C11orf65: variants seen among roughly 807,000 people sequenced by gnomAD.
C11orf65 encodes chromosome 11 open reading frame 65.
Under a neutral mutation model 35.3 loss-of-function variants are expected in C11orf65, and 38 were observed. The observed-to-expected ratio is 1.08, with a 90% confidence interval of 0.83 to 1.41. C11orf65 has a LOEUF of 1.41. C11orf65 is among the 40% of genes most tolerant of loss of function. C11orf65 has a pLI of 0.00. For missense variants in C11orf65, 370 were observed against 367.1 expected (o/e 1.01, Z -0.06); for synonymous variants, 105 against 114.4 (o/e 0.92, Z 0.53).
chr11:108,403,224 A>G (rs566347965), intron 6 of C11orf65, among the ~76,000 whole-genome samples: 1 of 152,322 alleles, frequency 6.6e-6, no homozygotes, highest in East Asian at 1.9e-4. Flanking sequence ...AACAATTGGC[A>G]TGACAGACTA....
chr11:108,325,568 C>T (rs747275106), intron 6 of C11orf65: 1 of 1,540,142 alleles, frequency 6.5e-7, no homozygotes, highest in South Asian at 1.1e-5. Flanking sequence ...AAAACTATGT[C>T]ATCTTACCTC....
At chr11:108,453,880 C>T (rs1316156122) in intron 2 of C11orf65, among the ~76,000 whole-genome samples, 2 of 152,240 alleles carry the variant, frequency 1.3e-5, no homozygotes, top group East Asian at 3.8e-4. Context: ...GCATCCTCAT[C>T]TGGCTTTGGT....
downstream of C11orf65, chr11:108,331,321 G>A (rs2086209164): frequency 2.0e-6 from 3 of 1,465,216 alleles, no homozygotes; most frequent in Non-Finnish European, 2.7e-6. Flanking sequence ...AATATAGTTA[G>A]TGAAGTTTTG....
At chr11:108,406,465 A>G (rs1033853627) in intron 5 of C11orf65, among the ~76,000 whole-genome samples, 1 of 152,192 alleles carries the variant, frequency 6.6e-6, no homozygotes, top group Non-Finnish European at 1.5e-5. Context: ...TATATTCAAC[A>G]TACCAAATTC....
At chr11:108,427,326 T>A (rs1415397680) in intron 3 of C11orf65, among the ~76,000 whole-genome samples, 1 of 150,034 alleles carries the variant, frequency 6.7e-6, no homozygotes, top group Non-Finnish European at 1.5e-5. Flanking sequence ...TATAAGGAAC[T>A]TAAACAAATT....
chr11:108,385,125 G>A (rs2091960131), intron 8 of C11orf65, among the ~76,000 whole-genome samples: 1 of 152,128 alleles, frequency 6.6e-6, no homozygotes, highest in South Asian at 2.1e-4. Context: ...CCAGGCTGGA[G>A]TTTAGTGGTG....
intron 2 of C11orf65, among the ~76,000 whole-genome samples, chr11:108,371,540 CTA>C (rs1224642162): frequency 3.9e-5 from 6 of 152,080 alleles, no homozygotes; most frequent in African/African-American, 1.4e-4. Context: ...CAAGGTTCGT[CTA>C]TGTTGTAATA....
intron 2 of C11orf65, among the ~76,000 whole-genome samples, chr11:108,376,653 G>C (rs1444691082): frequency 6.6e-6 from 1 of 151,900 alleles, no homozygotes; most frequent in Non-Finnish European, 1.5e-5. Context: ...AGGAAATAGA[G>C]ACACAAAAAA....
intron 2 of C11orf65, among the ~76,000 whole-genome samples, chr11:108,434,495 ACT>A (rs769742674): frequency 1.0e-4 from 15 of 148,370 alleles, no homozygotes; most frequent in Non-Finnish European, 1.8e-4. Flanking sequence ...ACAGAGGGAG[ACT>A]CTGTCTCAAA....
intron 3 of C11orf65, chr11:108,332,175 C>A: frequency 8.8e-7 from 1 of 1,130,520 alleles, no homozygotes; most frequent in Admixed American, 2.2e-5. Flanking sequence ...CGCCTGTAAT[C>A]CCAGCACTTT....
In C11orf65 at chr11:108,331,937, T is replaced by C. The variant is rs2136520333; in HGVS notation, c.300-370A>G. ...CACACTTTGTTTATTATACTGGCCT[T>C]AGCAAATGCAAACAGAGATGAATTT... On this transcript the variant is annotated intron_variant, in intron 3 of 3. Coordinates refer to the C11orf65 transcript ENST00000524755. The C allele has an allele frequency of 6.2e-7, 1 of 1,613,910 alleles. No homozygotes were observed. Among genetic ancestry groups the C allele is most frequent in the Non-Finnish European group, 8.5e-7 (1 of 1,179,812 alleles).
intron 2 of C11orf65, among the ~76,000 whole-genome samples, chr11:108,357,598 G>C (rs1304986577): frequency 6.6e-6 from 1 of 152,178 alleles, no homozygotes; most frequent in Non-Finnish European, 1.5e-5. Context: ...CTGGAGATCG[G>C]ACAACAGGCA....
intron 2 of C11orf65, chr11:108,356,056 C>A (rs530345908): frequency 6.6e-6 from 1 of 152,106 alleles, no homozygotes; most frequent in African/African-American, 2.4e-5. Flanking sequence ...TTTCTTTTAC[C>A]GATTTCAAAT....
chr11:108,454,819 A>C (rs2093393669), intron 2 of C11orf65, among the ~76,000 whole-genome samples: 1 of 152,136 alleles, frequency 6.6e-6, no homozygotes, highest in Admixed American at 6.6e-5. Flanking sequence ...TCTTTTCAAA[A>C]ACCCAACTCC....
chr11:108,428,502 T>A (rs941210034), intron 3 of C11orf65, among the ~76,000 whole-genome samples: 1 of 152,184 alleles, frequency 6.6e-6, no homozygotes, highest in Non-Finnish European at 1.5e-5. Flanking sequence ...TGTGTTCATG[T>A]CCTTTGCAGG....
intron 6 of C11orf65, among the ~76,000 whole-genome samples, chr11:108,319,658 C>T (rs1008562040): frequency 6.6e-6 from 1 of 152,160 alleles, no homozygotes; most frequent in African/African-American, 2.4e-5. Flanking sequence ...GACTTGTCCA[C>T]TTGTGAATTC....
In C11orf65 at chr11:108,351,162, G is replaced by A. The variant is rs375025095; in HGVS notation, c.227-15870C>T. Among the ~76,000 whole-genome samples the A allele has an allele frequency of 3.3e-5, 5 of 152,272 alleles. No individual in the cohort carries two copies. The East Asian group carries it at 9.6e-4, about 29-fold the overall frequency. On this transcript the variant is annotated intron_variant, in intron 2 of 3. Coordinates refer to the C11orf65 transcript ENST00000524755. ...GATTCCAACATAAAAGAGTACACATGTATAATTCCATTTACATAAAATTCA... is the reference window on the plus strand; with the variant it reads ...GATTCCAACATAAAAGAGTACACATATATAATTCCATTTACATAAAATTCA...
At chr11:108,335,453 C>T (rs948788618) in intron 2 of C11orf65, among the ~76,000 whole-genome samples, 2 of 152,018 alleles carry the variant, frequency 1.3e-5, no homozygotes, top group African/African-American at 4.8e-5. Context: ...ATCAGTATAC[C>T]GGGTCTCGTA....
intron 2 of C11orf65, among the ~76,000 whole-genome samples, chr11:108,348,049 G>A (rs2088669426): frequency 2.0e-5 from 3 of 152,096 alleles, no homozygotes; most frequent in African/African-American, 7.2e-5. Flanking sequence ...AGGAAATAGT[G>A]GGGGAGTGGG....
Sources: allele counts gnomAD v4.1 joint callset (sites outside exome capture counted in the v4.1 genomes callset), GRCh38; gene constraint gnomAD v4.1.1; transcripts MANE v1.5; gene names NCBI Gene and HGNC (gene_info 2026-07-23, HGNC 2026-07-21).